CTNNA2: variants seen among roughly 807,000 people sequenced by gnomAD.
CTNNA2 encodes the protein catenin alpha 2.
CTNNA2 carries 42 observed loss-of-function variants against 101.0 expected under a neutral mutation model. The ratio of observed to expected loss-of-function variants is 0.42; its 90% CI spans 0.32 to 0.54. The LOEUF (loss-of-function observed/expected upper bound fraction) is 0.54. Ranked by LOEUF, CTNNA2 falls within the 20% of genes least tolerant of loss-of-function variation. CTNNA2 has a pLI of 0.14. For synonymous variants in CTNNA2, 450 were observed against 456.4 expected, an observed-to-expected ratio of 0.99 and a Z score of 0.18; for missense variants, 871 against 1,223.1, an observed-to-expected ratio of 0.71 and a Z score of 4.29.
chr2:79,648,691 A>G (rs1332941039), intron 1 of CTNNA2, among the ~76,000 whole-genome samples: 1 of 152,164 alleles, frequency 6.6e-6, no homozygotes, highest in East Asian at 1.9e-4. Context: ...GGAATCTTAC[A>G]TATCAACATC....
At chr2:79,740,370 A>G (rs905205905) in intron 2 of CTNNA2, among the ~76,000 whole-genome samples, 5 of 152,104 alleles carry the variant, frequency 3.3e-5, no homozygotes, top group Non-Finnish European at 5.9e-5. Flanking sequence ...ATTATTCTTT[A>G]CCCATAGAAG....
intron 7 of CTNNA2, among the ~76,000 whole-genome samples, chr2:80,070,540 C>G (rs1005445981): frequency 5.3e-5 from 8 of 151,774 alleles, no homozygotes; most frequent in African/African-American, 1.9e-4. Context: ...GACTTTGTCT[C>G]TACAAAAAAA....
intron 1 of CTNNA2, among the ~76,000 whole-genome samples, chr2:79,534,833 G>T (rs968307220): frequency 6.6e-6 from 1 of 151,066 alleles, no homozygotes; most frequent in Admixed American, 6.6e-5. Flanking sequence ...TCAAGTTCTG[G>T]ATAAATATTT....
intron 14 of CTNNA2, 121 bp downstream of exon 14, chr2:80,581,940 G>A (rs1695577969): frequency 1.6e-6 from 1 of 635,254 alleles, no homozygotes; most frequent in Admixed American, 2.5e-5. Flanking sequence ...AGAAATCTGT[G>A]CTCTCATCTG....
At position 79,675,773 on chromosome 2, in the gene CTNNA2, A is replaced by G. The variant is rs190617634; in HGVS notation, c.102+24115A>G. On this transcript the variant is annotated intron_variant, in intron 2 of 18. Transcript: ENST00000402739. ...CGGCATGTAGTAGTTACTGAATAAG[A>G]ATTTCCAGAATTAATGCACGAATAT... is the stretch of plus-strand genomic sequence containing the variant. Among the ~76,000 whole-genome samples the G allele has an allele frequency of 3.2e-4, 49 of 152,290 alleles. No homozygotes were observed. The East Asian group carries it at 7.1e-3, about 22-fold the overall frequency.
chr2:79,735,510 A>C (rs956064475), intron 2 of CTNNA2, among the ~76,000 whole-genome samples: 1 of 152,336 alleles, frequency 6.6e-6, no homozygotes, highest in Non-Finnish European at 1.5e-5. Flanking sequence ...CCATAAAAAT[A>C]TCTCACCCAA....
chr2:80,139,719 A>G (rs1322577446), intron 7 of CTNNA2, among the ~76,000 whole-genome samples: 1 of 152,212 alleles, frequency 6.6e-6, no homozygotes, highest in Non-Finnish European at 1.5e-5. Context: ...GCACACCCTA[A>G]ATGTATCATG....
At chr2:80,121,394 C>T (rs1395761194) in intron 7 of CTNNA2, among the ~76,000 whole-genome samples, 1 of 152,056 alleles carries the variant, frequency 6.6e-6, no homozygotes, top group Non-Finnish European at 1.5e-5. Context: ...AAGAGTAAAA[C>T]AATGCATATG....
At chr2:79,441,192 G>T (rs1244823224) in intron 4 of CTNNA2, among the ~76,000 whole-genome samples, 1 of 152,130 alleles carries the variant, frequency 6.6e-6, no homozygotes, top group Non-Finnish European at 1.5e-5. Context: ...CCTATACAAG[G>T]AATGTATGTT....
intron 2 of CTNNA2, among the ~76,000 whole-genome samples, chr2:79,257,071 T>C (rs1327728354): frequency 1.3e-5 from 2 of 152,220 alleles, no homozygotes; most frequent in African/African-American, 2.4e-5. Flanking sequence ...GACACAAGAC[T>C]GACCGTAAGT....
At chr2:79,902,901 G>C (rs191309992) in intron 6 of CTNNA2, among the ~76,000 whole-genome samples, 4 of 152,012 alleles carry the variant, frequency 2.6e-5, no homozygotes, top group Admixed American at 2.0e-4. Flanking sequence ...CTGGGATTAC[G>C]GGCATGAGCC....
At chr2:79,292,652 A>G (rs1675855598) in intron 2 of CTNNA2, among the ~76,000 whole-genome samples, 1 of 152,218 alleles carries the variant, frequency 6.6e-6, no homozygotes, top group African/African-American at 2.4e-5. Flanking sequence ...GGACATCCTA[A>G]GAGGCACACA....
chr2:79,496,692 C>T (rs574564042), intron 4 of CTNNA2, among the ~76,000 whole-genome samples: 15 of 151,344 alleles, frequency 9.9e-5, no homozygotes, highest in African/African-American at 3.1e-4. Flanking sequence ...CTAGCCCTAC[C>T]GCCTGTGTAC....
At chr2:80,441,761 G>C (rs1294893641) in intron 9 of CTNNA2, among the ~76,000 whole-genome samples, 1 of 152,162 alleles carries the variant, frequency 6.6e-6, no homozygotes, top group Non-Finnish European at 1.5e-5. Flanking sequence ...AGATGTCAAA[G>C]GTCACACAAG....
intron 7 of CTNNA2, among the ~76,000 whole-genome samples, chr2:80,002,489 T>C (rs560576946): frequency 6.6e-5 from 10 of 152,292 alleles, no homozygotes; most frequent in Admixed American, 1.3e-4. Flanking sequence ...ATGTACATTA[T>C]TACACTTTGT....
At chr2:79,429,881 C>T (rs1040000380) in intron 4 of CTNNA2, among the ~76,000 whole-genome samples, 3 of 152,066 alleles carry the variant, frequency 2.0e-5, no homozygotes, top group African/African-American at 4.8e-5. Flanking sequence ...TAATCATGTT[C>T]GTATGCCTTA....
At chr2:80,055,246 C>T (rs1242397274) in intron 7 of CTNNA2, among the ~76,000 whole-genome samples, 2 of 152,056 alleles carry the variant, frequency 1.3e-5, no homozygotes, top group Admixed American at 1.3e-4. Context: ...CCAGGCTGGC[C>T]TCGAGCTCCT....
At chr2:80,427,717 T>C (rs1211547961) in intron 9 of CTNNA2, among the ~76,000 whole-genome samples, 1 of 152,236 alleles carries the variant, frequency 6.6e-6, no homozygotes, top group Non-Finnish European at 1.5e-5. Context: ...AATGTGATCA[T>C]CCATCAGTTC....
chr2:79,464,490 T>C (rs189887138), intron 4 of CTNNA2, among the ~76,000 whole-genome samples: 1,577 of 152,312 alleles, frequency 0.01, 15 homozygotes, highest in South Asian at 0.027. Context: ...ATCCTTTGGG[T>C]ATATACCCAG....
Sources: gnomAD v4.1 joint callset for allele counts (sites outside exome capture counted in the v4.1 genomes callset) on GRCh38, gnomAD v4.1.1 for gene constraint, MANE v1.5 for transcripts, NCBI Gene and HGNC (gene_info 2026-07-23, HGNC 2026-07-21) for gene names.